Variants in WWOX observed in about 807,000 individuals in gnomAD.
WWOX encodes WW domain containing oxidoreductase.
A neutral mutation model predicts 46.2 loss-of-function variants in WWOX; 69 were observed. That is an observed-to-expected ratio of 1.49 (90% confidence interval 1.23 to 1.82). The LOEUF is 1.82. Ranked by LOEUF, WWOX falls within the 40% of genes most tolerant of loss-of-function variation. The pLI is 0.00. For missense variants in WWOX, 919 were observed against 542.6 expected, an observed-to-expected ratio of 1.69 and a Z score of -6.89; for synonymous variants, 359 against 202.6, an observed-to-expected ratio of 1.77 and a Z score of -6.56.
At chr16:79,084,430 C>CT (rs948522046) in intron 8 of WWOX, among the ~76,000 whole-genome samples, 7 of 151,786 alleles carry the variant, frequency 4.6e-5, no homozygotes, top group Non-Finnish European at 8.8e-5. Context: ...CAAGTAATTT[C>CT]TTTTTTTTGA....
At chr16:78,673,720 T>G (rs1567480578) in intron 8 of WWOX, among the ~76,000 whole-genome samples, 2 of 152,234 alleles carry the variant, frequency 1.3e-5, no homozygotes, top group Non-Finnish European at 2.9e-5. Context: ...TAGCATTTTA[T>G]GTAAATCAGT....
At chr16:78,221,031 A>G (rs1373732847) in intron 5 of WWOX, among the ~76,000 whole-genome samples, 1 of 152,208 alleles carries the variant, frequency 6.6e-6, no homozygotes, top group Non-Finnish European at 1.5e-5. Context: ...AATGTATCAT[A>G]TATCTTTAAG....
intron 8 of WWOX, among the ~76,000 whole-genome samples, chr16:79,052,513 C>G (rs2048187777): frequency 6.6e-6 from 1 of 152,164 alleles, no homozygotes; most frequent in South Asian, 2.1e-4. Context: ...TTCACAATAG[C>G]AAAGACTTGG....
At chr16:78,931,360 C>A (rs1049693436) in intron 8 of WWOX, among the ~76,000 whole-genome samples, 2 of 152,182 alleles carry the variant, frequency 1.3e-5, no homozygotes, top group Admixed American at 1.3e-4. Context: ...GAGAGGGTAC[C>A]TGCCCTGCTA....
At chr16:78,805,381 C>G (rs2051004190) in intron 8 of WWOX, among the ~76,000 whole-genome samples, 1 of 152,132 alleles carries the variant, frequency 6.6e-6, no homozygotes, top group South Asian at 2.1e-4. Context: ...CTGTCTCAGC[C>G]TCCGGAGTAG....
chr16:78,240,229 AGCTACTCGGGAG>A (rs1418265646), intron 5 of WWOX, among the ~76,000 whole-genome samples: 1 of 152,088 alleles, frequency 6.6e-6, no homozygotes, highest in Non-Finnish European at 1.5e-5. Context: ...CTGCAATCCC[AGCTACTCGGGAG>A]GCTGCGGAGG....
intron 8 of WWOX, chr16:78,756,946 C>G (rs187229782): frequency 2.8e-6 from 2 of 702,980 alleles, no homozygotes; most frequent in Admixed American, 2.0e-5. Flanking sequence ...CTAGGAAAAG[C>G]CAGCTGCCAT....
chr16:78,774,571 C>T (rs1373310220), intron 8 of WWOX, among the ~76,000 whole-genome samples: 1 of 151,650 alleles, frequency 6.6e-6, no homozygotes. Flanking sequence ...TGTCCCCCTC[C>T]CCCCCCACAC....
At chr16:78,796,112 C>G (rs1306488759) in intron 8 of WWOX, among the ~76,000 whole-genome samples, 1 of 152,208 alleles carries the variant, frequency 6.6e-6, no homozygotes, top group Non-Finnish European at 1.5e-5. Flanking sequence ...ACCTAGCTAT[C>G]ACATTTAGAA....
intron 8 of WWOX, among the ~76,000 whole-genome samples, chr16:78,921,267 C>G (rs2045372290): frequency 6.6e-6 from 1 of 152,136 alleles, no homozygotes; most frequent in African/African-American, 2.4e-5. Flanking sequence ...ATAGATACAG[C>G]TACGTCAAAA....
intron 8 of WWOX, among the ~76,000 whole-genome samples, chr16:78,973,424 C>T (rs756845153): frequency 2.6e-5 from 4 of 152,176 alleles, no homozygotes; most frequent in Non-Finnish European, 5.9e-5. Flanking sequence ...CAGAGCTACT[C>T]AATAATTAGC....
intron 6 of WWOX, among the ~76,000 whole-genome samples, chr16:78,406,319 TATATATA>T (rs1567553338): frequency 1.3e-5 from 1 of 77,598 alleles, no homozygotes; most frequent in Non-Finnish European, 2.2e-5. Flanking sequence ...TATATATATA[TATATATA>T]TATATATATA....
At chr16:78,882,927 G>A (rs1399095804) in intron 8 of WWOX, among the ~76,000 whole-genome samples, 1 of 152,118 alleles carries the variant, frequency 6.6e-6, no homozygotes, top group Non-Finnish European at 1.5e-5. Flanking sequence ...CTGTCTTCCA[G>A]GAACCGGCAC....
chr16:78,960,627 A>G (rs564609131), intron 8 of WWOX, among the ~76,000 whole-genome samples: 144 of 152,280 alleles, frequency 9.5e-4, no homozygotes, highest in Non-Finnish European at 1.7e-3. Context: ...AATTGTCTCT[A>G]CCTTCAAGGT....
chr16:78,877,018 C>G (rs1076600), intron 8 of WWOX, among the ~76,000 whole-genome samples: 1 of 152,080 alleles, frequency 6.6e-6, no homozygotes, highest in Non-Finnish European at 1.5e-5. Context: ...TCTGCTGGTT[C>G]GAAGAGGTCC....
At chr16:78,913,324 T>C in intron 8 of WWOX, among the ~76,000 whole-genome samples, 1 of 152,004 alleles carries the variant, frequency 6.6e-6, no homozygotes, top group East Asian at 1.9e-4. Flanking sequence ...ACTGCATTTT[T>C]GAGCCTCTGC....
At chr16:78,985,577 T>G (rs2046768853) in intron 8 of WWOX, among the ~76,000 whole-genome samples, 1 of 152,192 alleles carries the variant, frequency 6.6e-6, no homozygotes. Context: ...CAGACCAGCC[T>G]GACAAACATG....
chr16:78,777,804 T>C (rs1597593460), intron 8 of WWOX, among the ~76,000 whole-genome samples: 1 of 152,194 alleles, frequency 6.6e-6, no homozygotes. Flanking sequence ...CCCAGCACTT[T>C]GGGAGGCCGG....
chr16:79,169,170 A>G (rs1485508836), intron 8 of WWOX, among the ~76,000 whole-genome samples: 1 of 152,214 alleles, frequency 6.6e-6, no homozygotes, highest in African/African-American at 2.4e-5. Context: ...CCAAGACTTG[A>G]AACATTAAAT....
Sources: gnomAD v4.1 joint callset for allele counts (sites outside exome capture counted in the v4.1 genomes callset) on GRCh38, gnomAD v4.1.1 for gene constraint, MANE v1.5 for transcripts, NCBI Gene and HGNC (gene_info 2026-07-23, HGNC 2026-07-21) for gene names.